Variants in RARB observed in about 807,000 individuals in gnomAD.
The protein encoded by RARB is retinoic acid receptor beta, also known as HBV-activated protein.
In RARB, 17 loss-of-function variants were observed where a neutral mutation model predicts 51.9. That is an observed-to-expected ratio of 0.33 (90% confidence interval 0.22 to 0.49). RARB has a LOEUF of 0.49. Among genes scored for constraint, RARB ranks in the 20% least tolerant of loss-of-function variants. The probability of loss-of-function intolerance (pLI) is 0.99; values close to 1 mark genes in which losing one functional copy is unlikely to be tolerated. For missense variants in RARB, 369 were observed against 550.8 expected (o/e 0.67, Z 3.30); for synonymous variants, 215 against 195.4 (o/e 1.10, Z -0.84).
At chr3:25,162,285 T>C (rs1700486130) in intron 4 of RARB, among the ~76,000 whole-genome samples, 2 of 152,148 alleles carry the variant, frequency 1.3e-5, no homozygotes, top group Admixed American at 1.3e-4. Context: ...TTTATTTTTA[T>C]TTTTGTAGAA....
intron 5 of RARB, among the ~76,000 whole-genome samples, chr3:25,230,011 A>T (rs1430203735): frequency 1.3e-5 from 2 of 152,148 alleles, no homozygotes; most frequent in Non-Finnish European, 2.9e-5. Context: ...TAAATATATT[A>T]TGAATGATGA....
Position 24,841,768 on chromosome 3 carries a change from T to G in RARB, c.-459+12365T>G, listed in dbSNP as rs141303382. Among the ~76,000 whole-genome samples the G allele has an allele frequency of 4.8e-3, 735 of 152,318 alleles. 7 individuals carry two copies. Among genetic ancestry groups the G allele is most frequent in the African/African-American group, 0.017 (691 of 41,560 alleles). On this transcript the variant is annotated intron_variant, in intron 1 of 11. Coordinates refer to the RARB transcript ENST00000383772. ...TTCATAATTATAAGCAGCAGTTGTA[T>G]ATCTATGAAGAATAATAGATGTGCA...
intron 3 of RARB, among the ~76,000 whole-genome samples, chr3:25,505,007 G>A (rs1439172743): frequency 6.6e-6 from 1 of 152,100 alleles, no homozygotes; most frequent in Non-Finnish European, 1.5e-5. Context: ...TTGAACTCCT[G>A]ACCTCAGGTG....
chr3:25,429,639 G>A (rs1559397341), intron 1 of RARB, among the ~76,000 whole-genome samples: 1 of 152,132 alleles, frequency 6.6e-6, no homozygotes, highest in African/African-American at 2.4e-5. Context: ...TTAAAGGAAA[G>A]GAAATATAAG....
rs143274106 is a variant in RARB, at chr3:25,379,170, C to G, written c.179-82023C>G. On this transcript the variant is annotated intron_variant, in intron 5 of 11. Coordinates refer to the RARB transcript ENST00000383772. ...GTGTACAAACTCCCCACCCTCAGCT[C>G]CAAGCATCACACGTTGACAGGTAGC... 1.1e-3 allele frequency among the ~76,000 whole-genome samples: 162 copies of G among 152,234 alleles called. 1 individual carries two copies. The highest frequency in any genetic ancestry group is 3.6e-3 in the African/African-American group (151 of 41,548).
chr3:25,521,134 G>T (rs959748457), intron 3 of RARB, among the ~76,000 whole-genome samples: 2 of 152,146 alleles, frequency 1.3e-5, no homozygotes, highest in African/African-American at 4.8e-5. Context: ...CCCCCATCAG[G>T]CAAGGAAAGG....
At chr3:24,873,663 C>A (rs886989312) in intron 2 of RARB, among the ~76,000 whole-genome samples, 1 of 150,388 alleles carries the variant, frequency 6.6e-6, no homozygotes, top group African/African-American at 2.4e-5. Context: ...ATCAGTCTTC[C>A]CTTTTTTTTT....
At chr3:25,167,656 C>A (rs1700581011) in intron 4 of RARB, among the ~76,000 whole-genome samples, 1 of 152,254 alleles carries the variant, frequency 6.6e-6, no homozygotes, top group South Asian at 2.1e-4. Flanking sequence ...TGTAACCCAT[C>A]CCTGGTAAGA....
At chr3:25,310,960 A>G (rs1575302650) in intron 5 of RARB, among the ~76,000 whole-genome samples, 3 of 152,206 alleles carry the variant, frequency 2.0e-5, no homozygotes, top group Admixed American at 6.5e-5. Flanking sequence ...TCTGGAAATT[A>G]AAGGAGATGT....
chr3:24,872,810 A>G (rs774904079), intron 2 of RARB, among the ~76,000 whole-genome samples: 3 of 152,114 alleles, frequency 2.0e-5, no homozygotes, highest in Non-Finnish European at 4.4e-5. Flanking sequence ...GAACTATAGC[A>G]CCTTCTCTGT....
intron 5 of RARB, among the ~76,000 whole-genome samples, chr3:25,233,671 G>A (rs1317951220): frequency 1.3e-5 from 2 of 151,718 alleles, no homozygotes; most frequent in Non-Finnish European, 2.9e-5. Context: ...ACCCATATAA[G>A]CTATAGGGGT....
intron 1 of RARB, among the ~76,000 whole-genome samples, chr3:25,435,393 A>G (rs1408010819): frequency 1.3e-5 from 2 of 152,186 alleles, no homozygotes; most frequent in Non-Finnish European, 2.9e-5. Flanking sequence ...CATGTAATAA[A>G]TTTGTCTTCT....
At chr3:25,030,770 G>A (rs1697856578) in intron 2 of RARB, among the ~76,000 whole-genome samples, 1 of 152,148 alleles carries the variant, frequency 6.6e-6, no homozygotes, top group African/African-American at 2.4e-5. Flanking sequence ...GTGCTCTCTT[G>A]CATTTACCAA....
chr3:25,569,687 G>T, intron 3 of RARB, 71 bp from the exon 4 acceptor site: 1 of 1,506,148 alleles, frequency 6.6e-7, no homozygotes, highest in Non-Finnish European at 9.0e-7. Context: ...CTTGGGAGGT[G>T]GAACCTCCCA....
intron 5 of RARB, among the ~76,000 whole-genome samples, chr3:25,367,817 C>CAAAAAAAAAAAAAAAAAAAAAA (rs369165017): frequency 2.4e-5 from 3 of 125,626 alleles, no homozygotes; most frequent in Non-Finnish European, 1.6e-5. Flanking sequence ...AAAAAACAAG[C>CAAAAAAAAAAAAAAAAAAAAAA]AAAAAAAAAA....
At chr3:25,165,508 C>A (rs972815165) in intron 4 of RARB, among the ~76,000 whole-genome samples, 1 of 152,156 alleles carries the variant, frequency 6.6e-6, no homozygotes, top group Admixed American at 6.6e-5. Context: ...GCCTGTAGAT[C>A]CTGTAGATAG....
At chr3:25,435,023 G>C (rs1003444180) in intron 1 of RARB, among the ~76,000 whole-genome samples, 4 of 151,970 alleles carry the variant, frequency 2.6e-5, no homozygotes, top group Admixed American at 1.3e-4. Flanking sequence ...GCCTTCCAAA[G>C]TATCTGATTT....
chr3:25,393,974 G>A (rs1049026197), intron 5 of RARB, among the ~76,000 whole-genome samples: 1 of 151,858 alleles, frequency 6.6e-6, no homozygotes. Context: ...GTTTGTTCTT[G>A]ATTCTCTAGT....
At chr3:25,137,158 T>C (rs562098523) in intron 4 of RARB, among the ~76,000 whole-genome samples, 4 of 152,180 alleles carry the variant, frequency 2.6e-5, no homozygotes, top group African/African-American at 7.2e-5. Flanking sequence ...ATTTCTACCA[T>C]TTCAAAAGAT....
Sources: allele counts gnomAD v4.1 joint callset (sites outside exome capture counted in the v4.1 genomes callset), GRCh38; gene constraint gnomAD v4.1.1; transcripts MANE v1.5; gene names NCBI Gene and HGNC (gene_info 2026-07-23, HGNC 2026-07-21).